Variants in DENND6A observed in about 807,000 individuals in gnomAD.
DENND6A encodes protein DENND6A.
Under a neutral mutation model 95.5 loss-of-function variants are expected in DENND6A, and 43 were observed. The observed-to-expected ratio is 0.45, with a 90% confidence interval of 0.35 to 0.58. The LOEUF (loss-of-function observed/expected upper bound fraction) is 0.58. DENND6A is among the 20% of genes least tolerant of loss of function. The pLI is 0.00. For missense variants in DENND6A, 574 were observed against 736.0 expected (o/e 0.78, Z 2.55); for synonymous variants, 257 against 260.4 (o/e 0.99, Z 0.13).
At chr3:57,691,669 CA>C (rs71091304) in intron 1 of DENND6A, among the ~76,000 whole-genome samples, 16,963 of 93,302 alleles carry the variant, frequency 0.18, 865 homozygotes, top group East Asian at 0.35. Flanking sequence ...TCACCAATAC[CA>C]AAAAAAAAAA....
At chr3:57,689,085 G>A (rs973440042) in intron 1 of DENND6A, among the ~76,000 whole-genome samples, 3 of 151,986 alleles carry the variant, frequency 2.0e-5, no homozygotes, top group African/African-American at 7.3e-5. Flanking sequence ...CTCCCGAGTA[G>A]CTGGGACTAC....
intron 1 of DENND6A, among the ~76,000 whole-genome samples, chr3:57,689,601 T>G (rs1379517995): frequency 4.6e-5 from 7 of 152,126 alleles, no homozygotes; most frequent in Non-Finnish European, 7.3e-5. Flanking sequence ...TAAAAGACAT[T>G]TTATGCAAGG....
intron 1 of DENND6A, among the ~76,000 whole-genome samples, chr3:57,685,738 T>TA (rs889758920): frequency 4.6e-5 from 7 of 150,812 alleles, no homozygotes; most frequent in African/African-American, 1.5e-4. Flanking sequence ...TCTTTTTTTT[T>TA]AAAAAAAAAT....
At chr3:57,638,669 ATAAC>A (rs2070855359) in intron 12 of DENND6A, among the ~76,000 whole-genome samples, 3 of 152,124 alleles carry the variant, frequency 2.0e-5, no homozygotes, top group Admixed American at 2.0e-4. Flanking sequence ...AAATAAATAA[ATAAC>A]TAAATAAATA....
chr3:57,652,282 G>A (rs962097148), intron 9 of DENND6A, among the ~76,000 whole-genome samples: 12 of 152,176 alleles, frequency 7.9e-5, no homozygotes, highest in Non-Finnish European at 1.2e-4. Context: ...CTGCCATGTT[G>A]TGAGAACATT....
At chr3:57,628,721 C>G (rs2153411603) in intron 19 of DENND6A, 90 bp downstream of exon 19, 2 of 1,347,342 alleles carry the variant, frequency 1.5e-6, no homozygotes, top group Non-Finnish European at 2.0e-6. Flanking sequence ...AAAGTTACTT[C>G]TGCGAACTAT....
At chr3:57,634,469 C>A in intron 14 of DENND6A, 89 bp downstream of exon 14, 2 of 596,700 alleles carry the variant, frequency 3.4e-6, no homozygotes, top group Non-Finnish European at 5.0e-6. Flanking sequence ...TCCTATTTCA[C>A]ATTAGTATAC....
At position 57,628,107 on chromosome 3, in the gene DENND6A, A is replaced by T. The variant is rs886590605; in HGVS notation, c.*107T>A. On this transcript the variant is annotated 3_prime_UTR_variant, in exon 20 of 20. Transcript: ENST00000311128. ...CTACCCTGTAACTAGCATTCATGGC[A>T]ATTTTCCACTCCGCTGCCACTGAGA... is the stretch of plus-strand genomic sequence containing the variant. 4.0e-6 allele frequency: 6 copies of T among 1,489,788 alleles called. No individual in the cohort carries two copies. In the African/African-American group the frequency reaches 7.0e-5, roughly 17 times the overall value. The allele number at this position is 1,489,788 out of a possible 1,614,324, so 92.3% of individuals were successfully genotyped here.
intron 11 of DENND6A, among the ~76,000 whole-genome samples, chr3:57,645,073 T>C (rs1166902039): frequency 6.6e-6 from 1 of 152,024 alleles, no homozygotes; most frequent in East Asian, 1.9e-4. Flanking sequence ...TAAGATTATT[T>C]TTTCTTTTTA....
At chr3:57,691,512 G>A (rs1311987409) in intron 1 of DENND6A, among the ~76,000 whole-genome samples, 1 of 152,004 alleles carries the variant, frequency 6.6e-6, no homozygotes, top group East Asian at 1.9e-4. Flanking sequence ...GTTCTTAGTG[G>A]AAACTTAATG....
intron 6 of DENND6A, 23 bp downstream of exon 6, chr3:57,661,423 A>G (rs1240822983): frequency 6.7e-7 from 1 of 1,498,862 alleles, no homozygotes; most frequent in Non-Finnish European, 8.9e-7. Flanking sequence ...AAACTCCTGC[A>G]TAAAGGTATA....
At chr3:57,649,651 T>G (rs2071156486) in intron 9 of DENND6A, among the ~76,000 whole-genome samples, 1 of 149,698 alleles carries the variant, frequency 6.7e-6, no homozygotes, top group Non-Finnish European at 1.5e-5. Context: ...AATATATATA[T>G]ATATAGTTGT....
Position 57,626,681 on chromosome 3 carries a change from C to G in DENND6A, c.*1533G>C, listed in dbSNP as rs1322688563. The G allele has an allele frequency of 6.6e-6, 1 of 152,362 alleles. No homozygotes were observed. The highest frequency in any genetic ancestry group is 1.9e-4 in the East Asian group (1 of 5,224). 9.4% of individuals were successfully genotyped at this position (152,362 alleles called of 1,614,324 possible). Reference sequence around the variant, plus strand: ...CCGAGATTGCGCCATTGCACTCCAGCCTGGGCAACAAGAGCAAAACTCCAT... The same window carrying G: ...CCGAGATTGCGCCATTGCACTCCAGGCTGGGCAACAAGAGCAAAACTCCAT... On this transcript the variant is annotated 3_prime_UTR_variant, in exon 20 of 20. Transcript: ENST00000311128.
chr3:57,678,435 A>T (rs1037226121), intron 1 of DENND6A, among the ~76,000 whole-genome samples: 6 of 151,930 alleles, frequency 3.9e-5, no homozygotes, highest in African/African-American at 1.4e-4. Flanking sequence ...TTAAGATAAG[A>T]TTTTTTTTTC....
chr3:57,685,214 C>T (rs773234348), intron 1 of DENND6A, among the ~76,000 whole-genome samples: 4 of 151,922 alleles, frequency 2.6e-5, no homozygotes, highest in Non-Finnish European at 4.4e-5. Context: ...TGAGCCACCA[C>T]GTCCAGCCTA....
intron 11 of DENND6A, among the ~76,000 whole-genome samples, chr3:57,644,701 G>GGAAAGACAGAAAGAAAAGGAAAA (rs2071030831): frequency 1.4e-5 from 1 of 69,198 alleles, no homozygotes. Flanking sequence ...GAGGGGAGGG[G>GGAAAGACAGAAAGAAAAGGAAAA]AGGGGAGGGG....
At chr3:57,689,870 C>T (rs1453842007) in intron 1 of DENND6A, among the ~76,000 whole-genome samples, 1 of 151,998 alleles carries the variant, frequency 6.6e-6, no homozygotes, top group Non-Finnish European at 1.5e-5. Flanking sequence ...TTGAGACCAG[C>T]CTGGGCAACA....
rs1482581824 is a variant in DENND6A at position 57,692,884 on chromosome 3, G to T, written c.135C>A (p.Asp45Glu). The stretch of plus-strand genomic sequence containing the variant: ...GCAGCAGGCCCCGGCCACGGCCATC[G>T]TCCTCTTCATCGTCCTCTGGCGCGC... ...AGGAPEDDEE[D>E]DGRGRGLLRW... The change falls in exon 1 of 20, where the codon GAC becomes GAA. Residue 45 changes from aspartate (D) to glutamate (E), a missense_variant. Transcript: ENST00000311128. 6.3e-7 allele frequency: 1 copy of T among 1,583,880 alleles called. No homozygotes were observed. Among genetic ancestry groups the T allele is most frequent in the South Asian group, 1.2e-5 (1 of 86,940 alleles).
chr3:57,635,614 C>CT (rs2070775022), intron 12 of DENND6A, among the ~76,000 whole-genome samples: 1 of 152,004 alleles, frequency 6.6e-6, no homozygotes, highest in East Asian at 1.9e-4. Context: ...CACAAAATGC[C>CT]TTTGTTTAAA....
Sources: allele counts gnomAD v4.1 joint callset (sites outside exome capture counted in the v4.1 genomes callset), GRCh38; gene constraint gnomAD v4.1.1; transcripts MANE v1.5; gene names NCBI Gene and HGNC (gene_info 2026-07-23, HGNC 2026-07-21).